DPYD: variants seen among roughly 807,000 people sequenced by gnomAD.
DPYD encodes the protein dihydropyrimidine dehydrogenase [NADP(+)].
DPYD carries 109 observed loss-of-function variants against 116.2 expected under a neutral mutation model. That is an observed-to-expected ratio of 0.94 (90% CI 0.80 to 1.10). The LOEUF (loss-of-function observed/expected upper bound fraction) is 1.10. DPYD is among the 50% of genes least tolerant of loss of function. DPYD has a pLI of 0.00. For missense variants in DPYD, 1,302 were observed against 1,254.5 expected (o/e 1.04, Z -0.57); for synonymous variants, 440 against 432.0 (o/e 1.02, Z -0.23).
intron 10 of DPYD, among the ~76,000 whole-genome samples, chr1:97,584,535 T>A (rs1279755616): frequency 1.3e-5 from 2 of 152,156 alleles, no homozygotes; most frequent in Admixed American, 6.5e-5. Flanking sequence ...AGGGTTTTTA[T>A]GGTTTTAGGT....
intron 14 of DPYD, among the ~76,000 whole-genome samples, chr1:97,402,597 C>T (rs572912099): frequency 4.6e-5 from 7 of 151,964 alleles, no homozygotes; most frequent in African/African-American, 1.4e-4. Context: ...ACTTGTATAC[C>T]CTGTTCCCAC....
chr1:97,885,677 A>G (rs1017368334), intron 1 of DPYD, among the ~76,000 whole-genome samples: 8 of 152,104 alleles, frequency 5.3e-5, no homozygotes, highest in African/African-American at 1.9e-4. Context: ...CTCAATACTT[A>G]GGATGAGCAA....
intron 12 of DPYD, chr1:97,546,905 G>C: frequency 6.2e-7 from 1 of 1,609,308 alleles, no homozygotes; most frequent in Non-Finnish European, 8.5e-7. Flanking sequence ...CAGGAGGACA[G>C]TGAGGGCTTT....
chr1:97,877,068 G>C (rs1671957827), intron 2 of DPYD, among the ~76,000 whole-genome samples: 1 of 152,048 alleles, frequency 6.6e-6, no homozygotes, highest in South Asian at 2.1e-4. Flanking sequence ...GAAAGATGGA[G>C]AATCTGTGAC....
At chr1:97,338,216 A>C (rs1372963330) in intron 16 of DPYD, among the ~76,000 whole-genome samples, 3 of 152,178 alleles carry the variant, frequency 2.0e-5, no homozygotes, top group Non-Finnish European at 4.4e-5. Context: ...ATAAAGGTGA[A>C]AATAAAAAAA....
intron 8 of DPYD, among the ~76,000 whole-genome samples, chr1:97,637,583 C>A (rs1657644383): frequency 1.3e-5 from 2 of 151,770 alleles, no homozygotes; most frequent in Admixed American, 1.3e-4. Context: ...TGCCTTAGAC[C>A]AGGAGACATA....
At chr1:97,882,765 G>A (rs1377834314) in intron 2 of DPYD, among the ~76,000 whole-genome samples, 1 of 151,900 alleles carries the variant, frequency 6.6e-6, no homozygotes, top group African/African-American at 2.4e-5. Flanking sequence ...AATATTAGGT[G>A]TTCATAGAAC....
At chr1:97,103,484 C>T (rs1353676984) in intron 20 of DPYD, among the ~76,000 whole-genome samples, 2 of 152,008 alleles carry the variant, frequency 1.3e-5, no homozygotes, top group African/African-American at 4.8e-5. Context: ...TATGTGATGG[C>T]TAATGATGCA....
chr1:97,665,853 A>G (rs1052833891), intron 8 of DPYD, among the ~76,000 whole-genome samples: 4 of 152,192 alleles, frequency 2.6e-5, no homozygotes, highest in Admixed American at 2.6e-4. Flanking sequence ...ACCTTGAATA[A>G]AAGGAACTAT....
At chr1:97,170,552 G>A (rs949739567) in intron 20 of DPYD, among the ~76,000 whole-genome samples, 2 of 152,178 alleles carry the variant, frequency 1.3e-5, no homozygotes, top group African/African-American at 4.8e-5. Flanking sequence ...CAAAGCTGGG[G>A]AGAACAAGGC....
At chr1:97,812,158 G>T (rs1668376576) in intron 3 of DPYD, among the ~76,000 whole-genome samples, 1 of 152,028 alleles carries the variant, frequency 6.6e-6, no homozygotes, top group Non-Finnish European at 1.5e-5. Context: ...CACATCACTG[G>T]CTTCCATCTA....
rs138703671 is a variant in DPYD at position 97,685,242 on chromosome 1, C to T, written c.763-6060G>A. On this transcript the variant is annotated intron_variant, in intron 7 of 22. Transcript: ENST00000370192. The stretch of plus-strand genomic sequence containing the variant: ...ACATAAAGAGAAATAAAGAAAAAAA[C>T]ACATGATTATCTCAATAGATGCAGA... 1.5e-3 allele frequency among the ~76,000 whole-genome samples: 223 copies of T among 152,208 alleles called. 1 individual carries two copies. The highest frequency in any genetic ancestry group is 5.2e-3 in the African/African-American group (217 of 41,524).
chr1:97,775,038 A>G (rs2101179156), intron 3 of DPYD: 1 of 219,494 alleles, frequency 4.6e-6, no homozygotes. Context: ...TCTGGGGTTT[A>G]TATGTAGATT....
chr1:97,332,063 T>C (rs1669037536), intron 16 of DPYD, among the ~76,000 whole-genome samples: 1 of 152,184 alleles, frequency 6.6e-6, no homozygotes, highest in Non-Finnish European at 1.5e-5. Context: ...TGATCATTGT[T>C]ATCTTCTAAT....
chr1:97,818,733 C>T (rs980852125), intron 3 of DPYD, among the ~76,000 whole-genome samples: 2 of 151,980 alleles, frequency 1.3e-5, no homozygotes, highest in East Asian at 3.9e-4. Flanking sequence ...ATTTACATGG[C>T]AAACAGATAA....
At chr1:97,316,348 A>AC (rs980322455) in intron 16 of DPYD, among the ~76,000 whole-genome samples, 1 of 150,274 alleles carries the variant, frequency 6.7e-6, no homozygotes, top group Non-Finnish European at 1.5e-5. Flanking sequence ...AAAAGAAAAA[A>AC]AAAAACAAAA....
chr1:97,248,102 T>A (rs1662845519), intron 18 of DPYD, among the ~76,000 whole-genome samples: 2 of 152,208 alleles, frequency 1.3e-5, no homozygotes, highest in Non-Finnish European at 2.9e-5. Flanking sequence ...AATATCTGTA[T>A]TAAATAAATT....
At chr1:97,429,547 T>C (rs1448288912) in intron 14 of DPYD, among the ~76,000 whole-genome samples, 1 of 152,066 alleles carries the variant, frequency 6.6e-6, no homozygotes, top group East Asian at 1.9e-4. Flanking sequence ...GAGGTTCAAT[T>C]CCTGGGTTTG....
intron 3 of DPYD, among the ~76,000 whole-genome samples, chr1:97,789,246 AATTACCCAGT>A (rs1366843966): frequency 6.6e-6 from 1 of 152,198 alleles, no homozygotes; most frequent in African/African-American, 2.4e-5. Context: ...TTAATCTACT[AATTACCCAGT>A]ATTAAAATTT....
Sources: allele counts gnomAD v4.1 joint callset (sites outside exome capture counted in the v4.1 genomes callset), GRCh38; gene constraint gnomAD v4.1.1; transcripts MANE v1.5; gene names NCBI Gene and HGNC (gene_info 2026-07-23, HGNC 2026-07-21).